MBNL2: variants seen among roughly 807,000 people sequenced by gnomAD.
MBNL2 encodes the protein muscleblind-like protein 2.
MBNL2 carries 17 observed loss-of-function variants against 41.9 expected under a neutral mutation model. The observed-to-expected ratio is 0.41, with a 90% CI of 0.28 to 0.61. The LOEUF is 0.61. MBNL2 is among the 20% of genes least tolerant of loss of function. MBNL2 has a pLI of 0.35. For synonymous variants in MBNL2, 195 were observed against 182.9 expected (o/e 1.07, Z -0.53); for missense variants, 336 against 505.6 (o/e 0.66, Z 3.22).
intron 8 of MBNL2, among the ~76,000 whole-genome samples, chr13:97,374,063 A>ATCTTTTTTTTTTTTT (rs2064688603): frequency 1.6e-5 from 1 of 63,128 alleles, no homozygotes; most frequent in Non-Finnish European, 3.1e-5. Context: ...CCTCCTTTGC[A>ATCTTTTTTTTTTTTT]TTTTTTTTTT....
At chr13:97,259,460 TC>T (rs981583175) in intron 1 of MBNL2, among the ~76,000 whole-genome samples, 1 of 152,100 alleles carries the variant, frequency 6.6e-6, no homozygotes, top group African/African-American at 2.4e-5. Context: ...CTTTTCACCC[TC>T]CCTGAATCCC....
chr13:97,207,509 T>C, the MBNL2 span, among the ~76,000 whole-genome samples: 1 of 152,112 alleles, frequency 6.6e-6, no homozygotes, highest in Non-Finnish European at 1.5e-5. Context: ...CTCTTCTTTT[T>C]AAAACCATCA....
intron 2 of MBNL2, among the ~76,000 whole-genome samples, chr13:97,333,106 C>T (rs2060564822): frequency 6.6e-6 from 1 of 152,106 alleles, no homozygotes. Context: ...AATTCATTTC[C>T]CCAGATCCCC....
chr13:97,314,316 T>G (rs79817966), intron 2 of MBNL2, among the ~76,000 whole-genome samples: 2 of 152,214 alleles, frequency 1.3e-5, no homozygotes, highest in Non-Finnish European at 2.9e-5. Flanking sequence ...TCTTTGTTCA[T>G]CCTATGAAAA....
chr13:97,183,405 T>A, the MBNL2 span, among the ~76,000 whole-genome samples: 1 of 152,200 alleles, frequency 6.6e-6, no homozygotes, highest in African/African-American at 2.4e-5. Flanking sequence ...TCCAGTGCAC[T>A]CATAAAATGT....
At chr13:97,313,490 G>A (rs572719765) in intron 2 of MBNL2, among the ~76,000 whole-genome samples, 90 of 152,248 alleles carry the variant, frequency 5.9e-4, no homozygotes, top group African/African-American at 2.0e-3. Context: ...TGGAATTTGA[G>A]GATGACTTGA....
the MBNL2 span, among the ~76,000 whole-genome samples, chr13:97,203,724 C>T: frequency 6.6e-6 from 1 of 152,198 alleles, no homozygotes; most frequent in Non-Finnish European, 1.5e-5. Context: ...TTTTTAAATA[C>T]TCTATGTAAT....
chr13:97,349,727 C>A (rs762404208), intron 5 of MBNL2, among the ~76,000 whole-genome samples: 2 of 152,102 alleles, frequency 1.3e-5, no homozygotes, highest in African/African-American at 4.8e-5. Context: ...GACTCAGGAA[C>A]GCCTGGGTTC....
intron 7 of MBNL2, among the ~76,000 whole-genome samples, chr13:97,359,272 T>C (rs1432759648): frequency 1.4e-5 from 2 of 138,736 alleles, no homozygotes; most frequent in Non-Finnish European, 3.1e-5. Flanking sequence ...TATTTTAAGA[T>C]AAAAAAAAAA....
chr13:97,304,575 T>C (rs1412697172), intron 2 of MBNL2, among the ~76,000 whole-genome samples: 1 of 152,196 alleles, frequency 6.6e-6, no homozygotes, highest in Non-Finnish European at 1.5e-5. Context: ...ATAAGATCTT[T>C]AAAGACTTGA....
intron 1 of MBNL2, among the ~76,000 whole-genome samples, chr13:97,233,679 T>C (rs897371699): frequency 1.3e-5 from 2 of 151,818 alleles, no homozygotes; most frequent in African/African-American, 4.8e-5. Flanking sequence ...TCCCTGTTTT[T>C]TTTTTTTTCT....
intron 8 of MBNL2, among the ~76,000 whole-genome samples, chr13:97,388,658 G>A (rs2066137295): frequency 1.3e-5 from 2 of 152,060 alleles, no homozygotes; most frequent in African/African-American, 4.8e-5. Context: ...CAACAGAAGT[G>A]CAATCAGATG....
intron 2 of MBNL2, among the ~76,000 whole-genome samples, chr13:97,314,180 T>A (rs992820938): frequency 2.6e-5 from 4 of 152,094 alleles, no homozygotes; most frequent in Admixed American, 2.0e-4. Flanking sequence ...TGGTTGCTAT[T>A]CCCAGAATAT....
chr13:97,285,712 C>T (rs1165570302), intron 2 of MBNL2, among the ~76,000 whole-genome samples: 2 of 152,188 alleles, frequency 1.3e-5, no homozygotes, highest in African/African-American at 2.4e-5. Flanking sequence ...GGGAATATAA[C>T]AGCATACATT....
chr13:97,341,653 A>G (rs1481753589), intron 3 of MBNL2, among the ~76,000 whole-genome samples: 1 of 152,190 alleles, frequency 6.6e-6, no homozygotes, highest in African/African-American at 2.4e-5. Context: ...GACCCCTCTA[A>G]GACCATTAGA....
intron 1 of MBNL2, among the ~76,000 whole-genome samples, chr13:97,246,437 G>C (rs1172340789): frequency 6.6e-6 from 1 of 152,114 alleles, no homozygotes; most frequent in Non-Finnish European, 1.5e-5. Flanking sequence ...ACCTAAAAAA[G>C]TGAAAATTTT....
At chr13:97,271,184 G>A (rs1308189416) in intron 1 of MBNL2, among the ~76,000 whole-genome samples, 1 of 148,164 alleles carries the variant, frequency 6.7e-6, no homozygotes, top group African/African-American at 2.5e-5. Context: ...GCAGTGGCGC[G>A]AGCTCACTGC....
chr13:97,197,602 T>G, the MBNL2 span, among the ~76,000 whole-genome samples: 10 of 152,210 alleles, frequency 6.6e-5, no homozygotes, highest in Non-Finnish European at 1.3e-4. Context: ...TTTGGTGCTT[T>G]CTTTCTCTTA....
intron 1 of MBNL2, among the ~76,000 whole-genome samples, chr13:97,223,479 G>GAA (rs2041112460): frequency 6.6e-6 from 1 of 152,072 alleles, no homozygotes; most frequent in Non-Finnish European, 1.5e-5. Context: ...TTTTTGTTAG[G>GAA]CCTCGGAAGC....
Sources: allele counts gnomAD v4.1 joint callset (sites outside exome capture counted in the v4.1 genomes callset), GRCh38; gene constraint gnomAD v4.1.1; transcripts MANE v1.5; gene names NCBI Gene and HGNC (gene_info 2026-07-23, HGNC 2026-07-21).